WWOX: variants seen among roughly 807,000 people sequenced by gnomAD.
The protein encoded by WWOX is WW domain-containing oxidoreductase.
WWOX carries 69 observed loss-of-function variants against 46.2 expected under a neutral mutation model. The ratio of observed to expected loss-of-function variants is 1.49; its 90% CI spans 1.23 to 1.82. The LOEUF is 1.82. Ranked by LOEUF, WWOX falls within the 40% of genes most tolerant of loss-of-function variation. The pLI is 0.00. For synonymous variants in WWOX, 359 were observed against 202.6 expected (o/e 1.77, Z -6.56); for missense variants, 919 against 542.6 (o/e 1.69, Z -6.89).
intron 8 of WWOX, among the ~76,000 whole-genome samples, chr16:78,833,589 A>T (rs2051892745): frequency 6.6e-6 from 1 of 150,484 alleles, no homozygotes; most frequent in Admixed American, 6.8e-5. Flanking sequence ...GATTTTTCAT[A>T]GTCTTTCGCT....
chr16:78,375,764 C>T (rs180919657), intron 5 of WWOX, among the ~76,000 whole-genome samples: 8 of 151,866 alleles, frequency 5.3e-5, no homozygotes, highest in Admixed American at 2.6e-4. Flanking sequence ...TGCAGCATTG[C>T]TTTCAGTGGC....
At chr16:78,153,723 A>G (rs1237623823) in intron 4 of WWOX, among the ~76,000 whole-genome samples, 1 of 152,182 alleles carries the variant, frequency 6.6e-6, no homozygotes, top group African/African-American at 2.4e-5. Context: ...ACCCATTAGA[A>G]ATTACGGGTA....
chr16:78,437,516 A>C (rs943923246), intron 8 of WWOX, among the ~76,000 whole-genome samples: 14 of 152,204 alleles, frequency 9.2e-5, no homozygotes, highest in African/African-American at 3.1e-4. Context: ...TGAGAAACTC[A>C]CAGGAATCAA....
At chr16:78,600,176 C>G (rs562366047) in intron 8 of WWOX, among the ~76,000 whole-genome samples, 9 of 152,236 alleles carry the variant, frequency 5.9e-5, no homozygotes, top group African/African-American at 1.9e-4. Flanking sequence ...ACAGGAAAGA[C>G]TTGCCCTCAT....
intron 5 of WWOX, among the ~76,000 whole-genome samples, chr16:78,306,029 C>T (rs931422973): frequency 1.3e-5 from 2 of 152,010 alleles, no homozygotes; most frequent in Admixed American, 1.3e-4. Context: ...ATTCCACAAT[C>T]AATTCGAGCT....
At chr16:78,982,688 C>T (rs747066960) in intron 8 of WWOX, among the ~76,000 whole-genome samples, 1 of 152,108 alleles carries the variant, frequency 6.6e-6, no homozygotes, top group African/African-American at 2.4e-5. Flanking sequence ...AGACCGGGCT[C>T]CTCAAACATG....
At chr16:78,461,506 A>G (rs969745173) in intron 8 of WWOX, among the ~76,000 whole-genome samples, 1 of 152,254 alleles carries the variant, frequency 6.6e-6, no homozygotes, top group Admixed American at 6.5e-5. Flanking sequence ...GTTTTATGAA[A>G]GAAATAAAGG....
At chr16:78,110,220 G>A (rs993340293) in intron 3 of WWOX, among the ~76,000 whole-genome samples, 1 of 151,564 alleles carries the variant, frequency 6.6e-6, no homozygotes, top group South Asian at 2.1e-4. Flanking sequence ...CGTGCCTGTG[G>A]TCCCTGCTAC....
chr16:78,849,677 T>G (rs2052392858), intron 8 of WWOX, among the ~76,000 whole-genome samples: 1 of 151,876 alleles, frequency 6.6e-6, no homozygotes, highest in African/African-American at 2.4e-5. Context: ...AAACACAGTA[T>G]GGTTGTTTCC....
At chr16:78,658,531 T>C (rs1208954674) in intron 8 of WWOX, among the ~76,000 whole-genome samples, 1 of 152,088 alleles carries the variant, frequency 6.6e-6, no homozygotes, top group East Asian at 1.9e-4. Flanking sequence ...GTTGGCAGAG[T>C]TGGTTCCTCC....
At chr16:78,420,835 A>G (rs1460436622) in intron 6 of WWOX, among the ~76,000 whole-genome samples, 1 of 152,166 alleles carries the variant, frequency 6.6e-6, no homozygotes, top group Admixed American at 6.5e-5. Context: ...AAAGTTGGAA[A>G]ATACCAAAAA....
intron 8 of WWOX, among the ~76,000 whole-genome samples, chr16:78,923,789 A>C (rs2045433572): frequency 2.2e-5 from 2 of 92,294 alleles, no homozygotes; most frequent in Admixed American, 3.2e-4. Flanking sequence ...AACTGTTTTT[A>C]GTTAGTTTTT....
In WWOX at chr16:79,186,450, C is replaced by T. The variant is rs141349407; in HGVS notation, c.1057-25158C>T. ...TCTGACCTCTGCGTCTGTCCTCCCA[C>T]GGCCTTCTCCCTGTGTGTTTCTGGA... On this transcript the variant is annotated intron_variant, in intron 8 of 8. Coordinates refer to ENST00000566780, the MANE Select transcript of WWOX (RefSeq NM_016373.4). Among the ~76,000 whole-genome samples, 424 of 152,316 alleles carry T rather than the reference C, an allele frequency of 2.8e-3. 1 individual carries two copies. The highest frequency in any genetic ancestry group is 9.5e-3 in the African/African-American group (395 of 41,576).
intron 8 of WWOX, chr16:79,101,360 A>G (rs2049189089): frequency 2.0e-5 from 3 of 152,208 alleles, no homozygotes; most frequent in African/African-American, 7.2e-5. Flanking sequence ...AGGTTATAGA[A>G]GGATTTAACA....
At chr16:78,249,305 G>C (rs2037916105) in intron 5 of WWOX, among the ~76,000 whole-genome samples, 1 of 152,144 alleles carries the variant, frequency 6.6e-6, no homozygotes, top group East Asian at 1.9e-4. Context: ...TGCCTCACGA[G>C]GTCGCTGATG....
At chr16:78,690,171 T>C (rs2047952607) in intron 8 of WWOX, among the ~76,000 whole-genome samples, 1 of 152,148 alleles carries the variant, frequency 6.6e-6, no homozygotes, top group Admixed American at 6.5e-5. Flanking sequence ...AGGATAACTT[T>C]TTAACAACCC....
rs554469721 is a variant in WWOX, at chr16:78,730,699, A to T, written c.1056+297947A>T. 2.0e-5 allele frequency among the ~76,000 whole-genome samples: 3 copies of T among 147,860 alleles called. No homozygotes were observed. In the South Asian group the frequency reaches 6.5e-4, roughly 32 times the overall value. ...GGTCTTGAACTCCTGGGCTCAAGCG[A>T]TACTCCCTCCTTATCCTCCCAAAGT... On this transcript the variant is annotated intron_variant, in intron 8 of 8. Coordinates refer to ENST00000566780, the MANE Select transcript of WWOX (RefSeq NM_016373.4).
chr16:78,415,811 CA>C (rs2082784851), intron 6 of WWOX, among the ~76,000 whole-genome samples: 2 of 152,254 alleles, frequency 1.3e-5, no homozygotes, highest in Admixed American at 1.3e-4. Context: ...TCATTGATGA[CA>C]ACCCCCGCCC....
intron 5 of WWOX, among the ~76,000 whole-genome samples, chr16:78,260,945 A>G (rs989520010): frequency 2.6e-5 from 4 of 151,072 alleles, no homozygotes; most frequent in Non-Finnish European, 4.4e-5. Context: ...TCAAAAAAAA[A>G]AAAAAAAAAA....
Sources: gnomAD v4.1 joint callset for allele counts (sites outside exome capture counted in the v4.1 genomes callset) on GRCh38, gnomAD v4.1.1 for gene constraint, MANE v1.5 for transcripts, NCBI Gene and HGNC (gene_info 2026-07-23, HGNC 2026-07-21) for gene names.